The following RPS6KA5 variants were observed in gnomAD, a reference collection of about 807,000 sequenced individuals.
The protein encoded by RPS6KA5 is ribosomal protein S6 kinase A5, also known as ribosomal protein S6 kinase alpha-5.
Under a neutral mutation model 85.5 loss-of-function variants are expected in RPS6KA5, and 27 were observed. The ratio of observed to expected loss-of-function variants is 0.32; its 90% CI spans 0.23 to 0.44. The LOEUF is 0.44. RPS6KA5 is among the 20% of genes least tolerant of loss of function. The pLI is 1.00. For synonymous variants in RPS6KA5, 334 were observed against 348.2 expected (o/e 0.96, Z 0.46); for missense variants, 811 against 980.9 (o/e 0.83, Z 2.31).
rs1197585023 is a variant in RPS6KA5, at chr14:90,849,168, A to G, written c.*22906T>C. On this transcript the variant is annotated 3_prime_UTR_variant, in exon 17 of 17. Transcript: ENST00000614987. The stretch of plus-strand genomic sequence containing the variant: ...GCAGGCACCTTGGTGGTCTGAATCT[A>G]ATAGATGCCACTCTCAAATTCTGAG... The G allele has an allele frequency of 6.6e-6, 1 of 152,264 alleles. No individual in the cohort carries two copies. The highest frequency in any genetic ancestry group is 1.5e-5 in the Non-Finnish European group (1 of 68,050). The allele number at this position is 152,264 out of a possible 1,614,324, so 9.4% of individuals were successfully genotyped here.
chr14:90,923,894 T>G (rs1270206013), intron 5 of RPS6KA5, among the ~76,000 whole-genome samples: 1 of 152,094 alleles, frequency 6.6e-6, no homozygotes, highest in East Asian at 1.9e-4. Flanking sequence ...TAAAAATTAT[T>G]TTTTAGATAA....
At chr14:90,913,627 T>C (rs1416793106) in intron 7 of RPS6KA5, among the ~76,000 whole-genome samples, 4 of 152,228 alleles carry the variant, frequency 2.6e-5, no homozygotes, top group Non-Finnish European at 4.4e-5. Flanking sequence ...GTATGACTTT[T>C]ATCGCCAGAC....
intron 3 of RPS6KA5, among the ~76,000 whole-genome samples, chr14:90,974,554 G>C (rs1380735034): frequency 6.6e-6 from 1 of 152,234 alleles, no homozygotes; most frequent in Non-Finnish European, 1.5e-5. Flanking sequence ...CCAGTGTCCA[G>C]GCTCAGGAGG....
intron 1 of RPS6KA5, among the ~76,000 whole-genome samples, chr14:91,016,181 T>C (rs1350099688): frequency 6.6e-6 from 1 of 152,190 alleles, no homozygotes; most frequent in Non-Finnish European, 1.5e-5. Flanking sequence ...TATGTTGTCA[T>C]ATAAAAGTCA....
In RPS6KA5 at chr14:90,870,762, T is replaced by C. The variant is rs1417316692; in HGVS notation, c.*1312A>G. On this transcript the variant is annotated 3_prime_UTR_variant, in exon 17 of 17. Coordinates refer to ENST00000614987, the MANE Select transcript of RPS6KA5 (RefSeq NM_004755.4). ...CTTTTCTCAGTCCTGACATTTCACA[T>C]GATGGCTTTAAAAGAAAATATAACA... 1 of 151,086 alleles carries C rather than the reference T, an allele frequency of 6.6e-6. No homozygotes were observed. The highest frequency in any genetic ancestry group is 6.6e-5 in the Admixed American group (1 of 15,112). 9.4% of individuals were successfully genotyped at this position (151,086 alleles called of 1,614,324 possible).
In RPS6KA5 at chr14:91,060,463, C is replaced by T; in HGVS notation, c.-29G>A. ...CTCCTTTTTTTCCGATCCCGCGGGT[C>T]GCTACGAGGGGAACCCAGGAGACAG... On this transcript the variant is annotated 5_prime_UTR_variant, in exon 1 of 17. Coordinates refer to ENST00000614987, the MANE Select transcript of RPS6KA5 (RefSeq NM_004755.4). The T allele has an allele frequency of 7.1e-7, 1 of 1,412,226 alleles. No homozygotes were observed. The highest frequency in any genetic ancestry group is 9.4e-7 in the Non-Finnish European group (1 of 1,068,814). The allele number at this position is 1,412,226 out of a possible 1,614,324, so 87.5% of individuals were successfully genotyped here.
At chr14:91,040,944 C>A (rs868183907) in intron 1 of RPS6KA5, among the ~76,000 whole-genome samples, 10 of 152,186 alleles carry the variant, frequency 6.6e-5, no homozygotes, top group African/African-American at 2.4e-4. Flanking sequence ...GCTTGATCTT[C>A]CAGCAGATCC....
At chr14:90,991,282 C>A (rs76973526) in intron 2 of RPS6KA5, among the ~76,000 whole-genome samples, 2,304 of 152,264 alleles carry the variant, frequency 0.015, 53 homozygotes, top group African/African-American at 0.053. Context: ...CAGGTTAAGA[C>A]ACCCCTTGAA....
chr14:90,886,785 G>A (rs1011597435), intron 14 of RPS6KA5, among the ~76,000 whole-genome samples: 6 of 152,188 alleles, frequency 3.9e-5, no homozygotes, highest in Non-Finnish European at 7.3e-5. Flanking sequence ...AATATACCGT[G>A]TAAGCTCTAT....
intron 14 of RPS6KA5, among the ~76,000 whole-genome samples, chr14:90,878,957 T>C (rs2033652544): frequency 6.6e-6 from 1 of 152,210 alleles, no homozygotes; most frequent in Non-Finnish European, 1.5e-5. Context: ...TACAGGTATC[T>C]GTGAAAGATG....
chr14:90,905,238 T>C (rs527260173), intron 8 of RPS6KA5, among the ~76,000 whole-genome samples: 2 of 152,184 alleles, frequency 1.3e-5, no homozygotes, highest in Admixed American at 1.3e-4. Flanking sequence ...TAAAAAATAA[T>C]AACAACATGA....
At chr14:91,003,112 A>G (rs964819665) in intron 1 of RPS6KA5, among the ~76,000 whole-genome samples, 1 of 152,160 alleles carries the variant, frequency 6.6e-6, no homozygotes, top group African/African-American at 2.4e-5. Flanking sequence ...TATGTAAAAA[A>G]GCTTAAGAGA....
intron 1 of RPS6KA5, among the ~76,000 whole-genome samples, chr14:91,050,999 A>G (rs911466913): frequency 2.0e-5 from 3 of 151,888 alleles, no homozygotes; most frequent in African/African-American, 7.3e-5. Context: ...AGGTCGAGGC[A>G]GGTGGAGCAC....
chr14:90,983,819 C>CTG (rs2039930172), intron 2 of RPS6KA5, among the ~76,000 whole-genome samples: 2 of 118,762 alleles, frequency 1.7e-5, no homozygotes, highest in African/African-American at 3.4e-5. Context: ...CTCTCTCTGT[C>CTG]TCTCTCTCTC....
chr14:90,885,762 A>G (rs1247255737), intron 14 of RPS6KA5, among the ~76,000 whole-genome samples: 4 of 144,880 alleles, frequency 2.8e-5, no homozygotes, highest in African/African-American at 5.1e-5. Flanking sequence ...AAAAAAAAAA[A>G]AAAAAAAAAA....
intron 7 of RPS6KA5, among the ~76,000 whole-genome samples, chr14:90,907,534 T>C (rs1166622905): frequency 6.6e-6 from 1 of 152,302 alleles, no homozygotes; most frequent in South Asian, 2.1e-4. Context: ...AAGGCAACCA[T>C]ATAGAAAATA....
At chr14:91,006,017 G>A (rs2041004448) in intron 1 of RPS6KA5, among the ~76,000 whole-genome samples, 1 of 152,198 alleles carries the variant, frequency 6.6e-6, no homozygotes, top group Non-Finnish European at 1.5e-5. Flanking sequence ...CTCAAAAGGA[G>A]ATGGTACTTT....
intron 2 of RPS6KA5, among the ~76,000 whole-genome samples, chr14:90,995,330 G>A (rs2040472569): frequency 6.6e-6 from 1 of 152,164 alleles, no homozygotes; most frequent in South Asian, 2.1e-4. Context: ...ACAAACTGAA[G>A]TTGCAAACCT....
At chr14:90,946,294 T>G (rs1034566499) in intron 4 of RPS6KA5, among the ~76,000 whole-genome samples, 1 of 100,938 alleles carries the variant, frequency 9.9e-6, no homozygotes, top group Non-Finnish European at 1.9e-5. Context: ...GCTGCAGCCC[T>G]GCCCCTCAAC....
Sources: gnomAD v4.1 joint callset for allele counts (sites outside exome capture counted in the v4.1 genomes callset) on GRCh38, gnomAD v4.1.1 for gene constraint, MANE v1.5 for transcripts, NCBI Gene and HGNC (gene_info 2026-07-23, HGNC 2026-07-21) for gene names.